DPP10: variants seen among roughly 807,000 people sequenced by gnomAD.
DPP10 encodes dipeptidyl peptidase like 10.
A neutral mutation model predicts 120.9 loss-of-function variants in DPP10; 33 were observed. The observed-to-expected ratio is 0.27, with a 90% CI of 0.21 to 0.37. The LOEUF is 0.37. Ranked by LOEUF, DPP10 falls within the 10% of genes least tolerant of loss-of-function variation. The probability of loss-of-function intolerance (pLI) is 1.00; values close to 1 mark genes in which losing one functional copy is unlikely to be tolerated. For synonymous variants in DPP10, 337 were observed against 326.1 expected, an observed-to-expected ratio of 1.03 and a Z score of -0.36; for missense variants, 816 against 942.8, an observed-to-expected ratio of 0.87 and a Z score of 1.76.
At chr2:114,863,363 C>T (rs1689974455) in intron 1 of DPP10, among the ~76,000 whole-genome samples, 1 of 152,096 alleles carries the variant, frequency 6.6e-6, no homozygotes, top group African/African-American at 2.4e-5. Context: ...TTCTTTATTT[C>T]TAGGGTTAGA....
chr2:114,480,830 A>T (rs1238712796), intron 1 of DPP10, among the ~76,000 whole-genome samples: 2 of 152,052 alleles, frequency 1.3e-5, no homozygotes, highest in Non-Finnish European at 2.9e-5. Flanking sequence ...CACGTTGTGC[A>T]CATGTACCCT....
intron 3 of DPP10, among the ~76,000 whole-genome samples, chr2:115,408,093 C>T (rs562140395): frequency 2.0e-5 from 3 of 152,084 alleles, no homozygotes; most frequent in Non-Finnish European, 4.4e-5. Context: ...TCGGTGACCA[C>T]GACAGGGTGC....
intron 1 of DPP10, among the ~76,000 whole-genome samples, chr2:114,796,013 C>A (rs1683678234): frequency 6.6e-6 from 1 of 152,120 alleles, no homozygotes; most frequent in South Asian, 2.1e-4. Flanking sequence ...CCTCCAGTTG[C>A]TATTATGGTG....
chr2:115,498,491 T>G (rs1234342494), intron 3 of DPP10, among the ~76,000 whole-genome samples: 1 of 151,910 alleles, frequency 6.6e-6, no homozygotes, highest in East Asian at 1.9e-4. Flanking sequence ...AGATTGTAAC[T>G]TATACACATT....
intron 1 of DPP10, among the ~76,000 whole-genome samples, chr2:114,924,939 C>G (rs894067244): frequency 6.6e-6 from 1 of 152,146 alleles, no homozygotes. Context: ...TGGCTGGGCA[C>G]GGTGGCTCAC....
chr2:115,407,969 T>TG (rs1239267310), intron 3 of DPP10, among the ~76,000 whole-genome samples: 1 of 151,998 alleles, frequency 6.6e-6, no homozygotes, highest in East Asian at 1.9e-4. Context: ...TCATCTAGAA[T>TG]GAGGAGAGCA....
intron 3 of DPP10, among the ~76,000 whole-genome samples, chr2:115,412,800 G>T (rs2069061657): frequency 1.3e-5 from 2 of 152,124 alleles, no homozygotes; most frequent in African/African-American, 2.4e-5. Context: ...TGAGAGGGAA[G>T]ATGAATTTTC....
intron 3 of DPP10, among the ~76,000 whole-genome samples, chr2:115,447,274 C>A (rs2072691788): frequency 6.6e-6 from 1 of 152,168 alleles, no homozygotes; most frequent in East Asian, 1.9e-4. Flanking sequence ...TGCCTGTACC[C>A]CCATTGTATC....
At chr2:115,639,345 A>C (rs2086594615) in intron 5 of DPP10, among the ~76,000 whole-genome samples, 1 of 152,210 alleles carries the variant, frequency 6.6e-6, no homozygotes. Flanking sequence ...GACATAAGCA[A>C]GATAATCTAG....
At chr2:115,096,877 G>T (rs9308707) in intron 1 of DPP10, among the ~76,000 whole-genome samples, 108,543 of 152,064 alleles carry the variant, frequency 0.71, 39,188 homozygotes, top group East Asian at 0.98. Flanking sequence ...CAGTGTGTAT[G>T]ATTATGAAAC....
intron 3 of DPP10, among the ~76,000 whole-genome samples, chr2:115,379,230 T>G (rs897191231): frequency 2.0e-5 from 3 of 152,270 alleles, no homozygotes; most frequent in East Asian, 1.9e-4. Context: ...CAATTTCAGA[T>G]CCTGTTATTG....
chr2:114,493,833 A>G (rs1467772025), intron 1 of DPP10, among the ~76,000 whole-genome samples: 1 of 152,168 alleles, frequency 6.6e-6, no homozygotes, highest in Non-Finnish European at 1.5e-5. Context: ...GCCATGAACG[A>G]TGGTAAAATC....
At chr2:115,154,000 A>C (rs546015336) in intron 1 of DPP10, among the ~76,000 whole-genome samples, 1 of 152,322 alleles carries the variant, frequency 6.6e-6, no homozygotes, top group Admixed American at 6.5e-5. Context: ...AAGCAGATAA[A>C]CAAGCTTATT....
At chr2:115,740,368 T>TA (rs1172531364) in intron 9 of DPP10, among the ~76,000 whole-genome samples, 2 of 152,050 alleles carry the variant, frequency 1.3e-5, no homozygotes, top group African/African-American at 2.4e-5. Flanking sequence ...AAATCTTCTA[T>TA]AAAAAATAGA....
chr2:114,450,603 A>G (rs1051670681), intron 1 of DPP10, among the ~76,000 whole-genome samples: 2 of 152,126 alleles, frequency 1.3e-5, no homozygotes, highest in Non-Finnish European at 2.9e-5. Context: ...GTCTTTGTTG[A>G]GCTAAGCAGA....
At chr2:115,592,484 C>T (rs1285307243) in intron 5 of DPP10, among the ~76,000 whole-genome samples, 1 of 151,668 alleles carries the variant, frequency 6.6e-6, no homozygotes, top group Non-Finnish European at 1.5e-5. Context: ...AATCCTAGCA[C>T]TTTGGGAGGC....
intron 1 of DPP10, among the ~76,000 whole-genome samples, chr2:114,480,696 G>A (rs747564065): frequency 3.0e-5 from 4 of 134,658 alleles, no homozygotes; most frequent in East Asian, 2.6e-4. Flanking sequence ...ATCACACACC[G>A]GGGACTGTTG....
At position 114,520,520 on chromosome 2, in the gene DPP10, A is replaced by G. The variant is rs545970328; in HGVS notation, c.60+77682A>G. 2.0e-4 allele frequency among the ~76,000 whole-genome samples: 30 copies of G among 152,356 alleles called. No homozygotes were observed. The South Asian group carries it at 3.9e-3, about 20-fold the overall frequency. On this transcript the variant is annotated intron_variant, in intron 1 of 25. Coordinates refer to ENST00000410059, the MANE Select transcript of DPP10 (RefSeq NM_020868.6). ...CTCTTCATTAGGTAACAGCAAATAAATGGAAAGGCAAAAGAGGGCCACAAT... is the reference window on the plus strand; with the variant it reads ...CTCTTCATTAGGTAACAGCAAATAAGTGGAAAGGCAAAAGAGGGCCACAAT...
At chr2:115,727,705 A>C (rs112548475) in intron 7 of DPP10, 111 bp from the exon 8 acceptor site, 1 of 1,204,632 alleles carries the variant, frequency 8.3e-7, no homozygotes, top group Non-Finnish European at 1.1e-6. Flanking sequence ...AACAACTTGA[A>C]GCCCGTAAAT....
Sources: allele counts gnomAD v4.1 joint callset (sites outside exome capture counted in the v4.1 genomes callset), GRCh38; gene constraint gnomAD v4.1.1; transcripts MANE v1.5; gene names NCBI Gene and HGNC (gene_info 2026-07-23, HGNC 2026-07-21).